Variants in CCDC24 observed in about 807,000 individuals in gnomAD.
CCDC24 encodes the protein coiled-coil domain containing 24.
In CCDC24, 34 loss-of-function variants were observed where a neutral mutation model predicts 31.6. The observed-to-expected ratio is 1.08, with a 90% CI of 0.82 to 1.43. The LOEUF is 1.43. Among genes scored for constraint, CCDC24 ranks in the 40% most tolerant of loss-of-function variants. The pLI is 0.00. For missense variants in CCDC24, 426 were observed against 391.1 expected, an observed-to-expected ratio of 1.09 and a Z score of -0.75; for synonymous variants, 175 against 157.3, an observed-to-expected ratio of 1.11 and a Z score of -0.84.
Position 43,995,788 on chromosome 1 carries a change from A to G in CCDC24, c.633A>G (p.Glu211=). The part of the protein sequence containing the change: ...ALEPTLAELK[E]QKKAMEQELQ... Reference sequence around the variant, plus strand: ...CAATCTCTCCTTCAGAGCTAAAGGAACAGAAGAAGGCCATGGAGCAGGAGC... The same window carrying G: ...CAATCTCTCCTTCAGAGCTAAAGGAGCAGAAGAAGGCCATGGAGCAGGAGC... The change falls in exon 8 of 9, where the codon GAA becomes GAG. Residue 211 remains glutamate, a synonymous_variant. Transcript: ENST00000372318. The surrounding 1 kb of genome is among the most constrained non-coding windows in gnomAD (Gnocchi z 4.3). 6.2e-7 allele frequency: 1 copy of G among 1,614,210 alleles called. No homozygotes were observed. The highest frequency in any genetic ancestry group is 8.5e-7 in the Non-Finnish European group (1 of 1,180,012).
At chr1:43,993,730 C>T (rs2085783759) in intron 4 of CCDC24, 157 bp from the exon 5 acceptor site, 2 of 617,632 alleles carry the variant, frequency 3.2e-6, no homozygotes, top group Non-Finnish European at 5.9e-6. Flanking sequence ...TGAAGGGTGG[C>T]AGAGCTCATT....
Position 43,996,383 on chromosome 1 carries a change from C to A in CCDC24, c.*223C>A. 3 of 520,262 alleles carry A rather than the reference C, an allele frequency of 5.8e-6. No homozygotes were observed. Among genetic ancestry groups the A allele is most frequent in the Middle Eastern group, 9.9e-4 (2 of 2,014 alleles). 32.2% of individuals were successfully genotyped at this position (520,262 alleles called of 1,614,324 possible). A position where few individuals can be genotyped will look rare whatever the true frequency, so the allele number is the denominator to read the frequency against. On this transcript the variant is annotated 3_prime_UTR_variant, in exon 9 of 9. Transcript: ENST00000372318. Reference sequence around the variant, plus strand: ...CGGTCCCAAGCATCAAAGCCTTTGGCCTTTCTCCTCCCAGGCCTCCACAAA... The same window carrying A: ...CGGTCCCAAGCATCAAAGCCTTTGGACTTTCTCCTCCCAGGCCTCCACAAA...
rs977849695 is a variant in CCDC24 at position 43,995,309 on chromosome 1, G to A, written c.552+147G>A. The A allele has an allele frequency of 3.9e-5, 34 of 876,366 alleles. No homozygotes were observed. The highest frequency in any genetic ancestry group is 5.8e-5 in the Non-Finnish European group (33 of 570,150). 54.3% of individuals were successfully genotyped at this position (876,366 alleles called of 1,614,324 possible). A position where few individuals can be genotyped will look rare whatever the true frequency, so the allele number is the denominator to read the frequency against. ...CCATTTCTCAGGGGTGCATGCTTGT[G>A]TGCACCTGCAAAATCCTGGAGGCCC... On this transcript the variant is annotated intron_variant, in intron 6 of 8. Coordinates refer to ENST00000372318, the MANE Select transcript of CCDC24 (RefSeq NM_152499.4). The surrounding 1 kb of genome is among the most constrained non-coding windows in gnomAD (Gnocchi z 4.3).
At chr1:43,991,782 CG>C (rs1557655858) in intron 1 of CCDC24, 36 bp downstream of exon 1, 4 of 1,462,286 alleles carry the variant, frequency 2.7e-6, no homozygotes, top group Middle Eastern at 3.5e-4. Flanking sequence ...CATAGAGGGG[CG>C]GGGTTTGGTG....
At chr1:43,994,386 T>C (rs943127558) in intron 5 of CCDC24, 2 of 181,222 alleles carry the variant, frequency 1.1e-5, no homozygotes, top group African/African-American at 2.4e-5. Context: ...AAGGTAAGGC[T>C]ACAGTGAGTC....
Position 43,995,160 on chromosome 1 carries a change from C to A in CCDC24, c.550C>A (p.Gln184Lys). 6.4e-7 allele frequency: 1 copy of A among 1,570,420 alleles called. No homozygotes were observed. Residue 184 changes from glutamine to lysine, a missense_variant and splice_region_variant, in exon 6 of 9, where the codon CAG (glutamine) becomes AAG (lysine). By Grantham distance (53) the Gln-to-Lys change is moderately conservative. Transcript: ENST00000372318. This position sits in a 1 kb window ranked among gnomAD's most constrained non-coding sequence, Gnocchi z 4.3. ...CTTGGAGAGGGAGATCCTCATCCTG[C>A]AGGTGAGCCGCAGCCCTGGGCCCTC... ...HTLEREILIL[Q>K]RCLEEEYLRP...
chr1:43,994,177 G>A, intron 5 of CCDC24: 1 of 552,434 alleles, frequency 1.8e-6, no homozygotes, highest in Non-Finnish European at 3.3e-6. Flanking sequence ...CGAGCATGAT[G>A]GTGCATGCCT....
At chr1:43,994,863 G>A (rs184586661) in intron 5 of CCDC24, 6 of 582,166 alleles carry the variant, frequency 1.0e-5, no homozygotes, top group Non-Finnish European at 1.8e-5. Context: ...CAGAAGTGTG[G>A]GAGAGAGAAG....
Position 43,991,758 on chromosome 1 carries a change from G to A in CCDC24, c.-33+12G>A. ...GCGGCAGAGCACGGGTGGGGCTTGG[G>A]AGAGGGCGGGGCCCATAGAGGGGCG... On this transcript the variant is annotated intron_variant, in intron 1 of 8. Coordinates refer to ENST00000372318, the MANE Select transcript of CCDC24 (RefSeq NM_152499.4). 1.5e-6 allele frequency: 2 copies of A among 1,305,514 alleles called. No individual in the cohort carries two copies. Among genetic ancestry groups the A allele is most frequent in the South Asian group, 2.5e-5 (2 of 79,410 alleles). The allele number at this position is 1,305,514 out of a possible 1,614,324, so 80.9% of individuals were successfully genotyped here. A position where few individuals can be genotyped will look rare whatever the true frequency, so the allele number is the denominator to read the frequency against.
Position 43,995,442 on chromosome 1 carries a change from G to T in CCDC24, c.553-159G>T. 1 of 832,552 alleles carries T rather than the reference G, an allele frequency of 1.2e-6. No homozygotes were observed. The highest frequency in any genetic ancestry group is 1.8e-6 in the Non-Finnish European group (1 of 542,920). 51.6% of individuals were successfully genotyped at this position (832,552 alleles called of 1,614,324 possible). A position where few individuals can be genotyped will look rare whatever the true frequency, so the allele number is the denominator to read the frequency against. On this transcript the variant is annotated intron_variant, in intron 6 of 8. Coordinates refer to ENST00000372318, the MANE Select transcript of CCDC24 (RefSeq NM_152499.4). The surrounding 1 kb of genome is among the most constrained non-coding windows in gnomAD (Gnocchi z 4.3). ...CCCCACCACTATCTTGCCAAACTCA[G>T]CTCTTCCGCAAGGCTGGTATTCCCT...
Position 43,996,002 on chromosome 1 carries a change from C to G in CCDC24, c.766C>G (p.Pro256Ala), listed in dbSNP as rs2085842583. The stretch of plus-strand genomic sequence containing the variant: ...CCCGCTTCCCCTCTGCGGGGTTGCA[C>G]CTCTCCAGTGCTGCCTGCCTGCACC... ...RPPLPLCGVA[P>A]LQCCLPAPPL... Residue 256 changes from proline (P) to alanine (A), a missense_variant, in exon 9 of 9, where the codon CCT becomes GCT. Physicochemically the swap from Pro to Ala is conservative, Grantham distance 27 (BLOSUM62 -1). Transcript: ENST00000372318. 2 of 1,614,186 alleles carry G rather than the reference C, an allele frequency of 1.2e-6. No homozygotes were observed. Among genetic ancestry groups the G allele is most frequent in the Admixed American group, 1.7e-5 (1 of 60,034 alleles).
chr1:43,993,285 GAAAAA>G (rs34298087), intron 4 of CCDC24, among the ~76,000 whole-genome samples: 3 of 148,686 alleles, frequency 2.0e-5, no homozygotes, highest in Non-Finnish European at 4.5e-5. Flanking sequence ...TACAAAAAGT[GAAAAA>G]AAAAATAGTC....
At position 43,992,271 on chromosome 1, in the gene CCDC24, C is replaced by G. The variant is rs778537674; in HGVS notation, c.186C>G (p.Arg62=). 6.2e-7 allele frequency: 1 copy of G among 1,614,176 alleles called. No homozygotes were observed. Among genetic ancestry groups the G allele is most frequent in the East Asian group, 2.2e-5 (1 of 44,868 alleles). The change falls in exon 3 of 9, where the codon CGC becomes CGG. Residue 62 remains arginine (R), a synonymous_variant. Transcript: ENST00000372318. ...GATCCTCTCAAGCCCCCAGCTCCCG[C>G]CCCATCTCTGACCCCTCTTCTCTTC... ...EARSSQAPSS[R]PISDPSSLLA... is the part of the protein sequence containing the mutation.
rs1200160114 is a variant in CCDC24, at chr1:43,991,883, T to C, written c.5T>C (p.Leu2Pro). MLRHSPSLWELV... is the reference protein window; with the variant it reads MPRHSPSLWELV... Reference sequence around the variant, plus strand: ...GGACGGCGGCGTCGGTGGGTCATGCTCCGGCACTCCCCCTCGCTGTGGGAG... The same window carrying C: ...GGACGGCGGCGTCGGTGGGTCATGCCCCGGCACTCCCCCTCGCTGTGGGAG... The change falls in exon 2 of 9, where the codon CTC becomes CCC. Residue 2 changes from leucine (L) to proline (P), a missense_variant. Leu to Pro is a moderately conservative substitution (Grantham distance 98, BLOSUM62 -3). Coordinates refer to ENST00000372318, the MANE Select transcript of CCDC24 (RefSeq NM_152499.4). 2 of 1,552,446 alleles carry C rather than the reference T, an allele frequency of 1.3e-6. No homozygotes were observed. Among genetic ancestry groups the C allele is most frequent in the African/African-American group, 2.7e-5 (2 of 73,232 alleles).
chr1:43,992,297 T>A lies in CCDC24; in HGVS notation c.212T>A (p.Leu71Gln). The change falls in exon 3 of 9, where the codon CTG becomes CAG. Residue 71 changes from leucine to glutamine, a missense_variant. Transcript: ENST00000372318. The part of the protein sequence containing the change: ...SRPISDPSSL[L>Q]APPPLLKDLL... ...CCCATCTCTGACCCCTCTTCTCTTC[T>A]GGCACCACCGCCTCTCCTAAAGGAC... 3 of 1,614,094 alleles carry A rather than the reference T, an allele frequency of 1.9e-6. No individual in the cohort carries two copies. Among genetic ancestry groups the A allele is most frequent in the Non-Finnish European group, 2.5e-6 (3 of 1,179,998 alleles).
rs2085856765 is a variant in CCDC24 at position 43,996,251 on chromosome 1, T to TC, written c.*92dup. ...CTGCTTTGGCCCAGCCAGCTTCAGA[T>TC]CTGGTCTTGGCGAGCTCTCGCCAGG... On this transcript the variant is annotated 3_prime_UTR_variant, in exon 9 of 9. Transcript: ENST00000372318. 7.2e-6 allele frequency: 9 copies of TC among 1,248,854 alleles called. No homozygotes were observed. The highest frequency in any genetic ancestry group is 1.1e-6 in the Non-Finnish European group (1 of 918,950). The allele number at this position is 1,248,854 out of a possible 1,614,324, so 77.4% of individuals were successfully genotyped here. A position where few individuals can be genotyped will look rare whatever the true frequency, so the allele number is the denominator to read the frequency against.
At chr1:43,992,159 C>T in intron 2 of CCDC24, 53 bp from the exon 3 acceptor site, 2 of 1,555,812 alleles carry the variant, frequency 1.3e-6, no homozygotes, top group Non-Finnish European at 1.7e-6. Context: ...CCAGCCCCCA[C>T]CATTCCGGAC....
Position 43,991,669 on chromosome 1 carries a change from C to T in CCDC24, c.-110C>T. On this transcript the variant is annotated 5_prime_UTR_variant, in exon 1 of 9. Coordinates refer to ENST00000372318, the MANE Select transcript of CCDC24 (RefSeq NM_152499.4). ...CCCCGGCATCCGAGTCGGCCAAAAG[C>T]CGGGCAGAAGAGAGCGCCAAGGACT... 2.7e-6 allele frequency: 2 copies of T among 744,376 alleles called. No individual in the cohort carries two copies. The highest frequency in any genetic ancestry group is 4.7e-6 in the Non-Finnish European group (2 of 423,364). The allele number at this position is 744,376 out of a possible 1,614,324, so 46.1% of individuals were successfully genotyped here.
At position 43,992,546 on chromosome 1, in the gene CCDC24, A is replaced by C. The variant is rs771218197; in HGVS notation, c.326A>C (p.Gln109Pro). 1 of 1,614,226 alleles carries C rather than the reference A, an allele frequency of 6.2e-7. No individual in the cohort carries two copies. Among genetic ancestry groups the C allele is most frequent in the South Asian group, 1.1e-5 (1 of 91,082 alleles). ...EGRDQAQAWV[Q>P]YSPRVLHFAL... ...AGGGACCAGGCCCAAGCTTGGGTCCAGTATAGCCCCAGGGTCCTGCACTTT... is the reference window on the plus strand; with the variant it reads ...AGGGACCAGGCCCAAGCTTGGGTCCCGTATAGCCCCAGGGTCCTGCACTTT... The change falls in exon 4 of 9, where the codon CAG (glutamine) becomes CCG (proline). Residue 109 changes from glutamine (Q) to proline (P), a missense_variant. Coordinates refer to ENST00000372318, the MANE Select transcript of CCDC24 (RefSeq NM_152499.4).
Sources: gnomAD v4.1 joint callset for allele counts (sites outside exome capture counted in the v4.1 genomes callset) on GRCh38, gnomAD v4.1.1 for gene constraint, Gnocchi (gnomAD v3.1) non-coding constraint, MANE v1.5 for transcripts, NCBI Gene and HGNC (gene_info 2026-07-23, HGNC 2026-07-21) for gene names.